Variants in NOX4 observed in about 807,000 individuals in gnomAD.
NOX4 encodes kidney oxidase-1.
A neutral mutation model predicts 87.6 loss-of-function variants in NOX4; 69 were observed. The ratio of observed to expected loss-of-function variants is 0.79; its 90% CI spans 0.65 to 0.96. The LOEUF (loss-of-function observed/expected upper bound fraction) is 0.96, where lower values mean the gene tolerates loss of function less well. NOX4 is among the 40% of genes least tolerant of loss of function. The pLI, the probability that NOX4 is intolerant of heterozygous loss-of-function variation, is 0.00. For missense variants in NOX4, 680 were observed against 681.5 expected, an observed-to-expected ratio of 1.00 and a Z score of 0.02; for synonymous variants, 275 against 238.2, an observed-to-expected ratio of 1.15 and a Z score of -1.42.
chr11:89,375,122 C>A (rs1057004357), intron 11 of NOX4, among the ~76,000 whole-genome samples: 2 of 152,074 alleles, frequency 1.3e-5, no homozygotes, highest in Non-Finnish European at 2.9e-5. Flanking sequence ...ATTAATGTAC[C>A]ATGGAATGTC....
At chr11:89,435,200 C>A (rs1325573119) in intron 6 of NOX4, among the ~76,000 whole-genome samples, 1 of 151,860 alleles carries the variant, frequency 6.6e-6, no homozygotes, top group African/African-American at 2.4e-5. Context: ...AAAAAGAAAA[C>A]CTTTATTTGT....
intron 17 of NOX4, among the ~76,000 whole-genome samples, chr11:89,328,300 C>T (rs1425822883): frequency 1.3e-5 from 2 of 152,128 alleles, no homozygotes; most frequent in South Asian, 4.1e-4. Flanking sequence ...AGAGTTTACA[C>T]AGGACTGCAA....
chr11:89,486,758 G>C (rs182892271), intron 2 of NOX4, among the ~76,000 whole-genome samples: 2 of 150,044 alleles, frequency 1.3e-5, no homozygotes, highest in Non-Finnish European at 3.0e-5. Flanking sequence ...TAAAGATGGG[G>C]TCTCACTTTG....
intron 2 of NOX4, among the ~76,000 whole-genome samples, chr11:89,469,277 C>T (rs912805491): frequency 6.6e-6 from 1 of 151,718 alleles, no homozygotes; most frequent in African/African-American, 2.4e-5. Flanking sequence ...GTTGAAAAAG[C>T]CAGAGAGGTT....
intron 8 of NOX4, among the ~76,000 whole-genome samples, chr11:89,407,876 T>C (rs1942272285): frequency 6.6e-6 from 1 of 152,070 alleles, no homozygotes; most frequent in African/African-American, 2.4e-5. Context: ...CACAAATGAG[T>C]GTCACTTATG....
the NOX4 span, among the ~76,000 whole-genome samples, chr11:89,560,837 T>C: frequency 6.6e-6 from 1 of 150,898 alleles, no homozygotes; most frequent in South Asian, 2.1e-4. Flanking sequence ...AGTTACACCA[T>C]TTGTTTACCT....
chr11:89,449,589 A>G (rs1422598918), intron 3 of NOX4, 65 bp from the exon 4 acceptor site: 1 of 1,275,790 alleles, frequency 7.8e-7, no homozygotes, highest in Non-Finnish European at 1.1e-6. Context: ...TTTTCAGTAT[A>G]GCATTGTTCA....
At chr11:89,485,762 G>A (rs1249480670) in intron 2 of NOX4, among the ~76,000 whole-genome samples, 1 of 152,174 alleles carries the variant, frequency 6.6e-6, no homozygotes, top group East Asian at 1.9e-4. Flanking sequence ...CCATGGGGGA[G>A]TGGAGCAGGC....
chr11:89,373,679 A>C (rs1939627484), intron 11 of NOX4, among the ~76,000 whole-genome samples, 187 bp from the exon 12 acceptor site: 1 of 152,102 alleles, frequency 6.6e-6, no homozygotes, highest in African/African-American at 2.4e-5. Flanking sequence ...TCAGTAAGAC[A>C]ATCTACATTT....
chr11:89,505,193 C>A, the NOX4 span, among the ~76,000 whole-genome samples: 1 of 151,754 alleles, frequency 6.6e-6, no homozygotes, highest in Non-Finnish European at 1.5e-5. Flanking sequence ...TAACTTTTTC[C>A]TTTATAGCAC....
the NOX4 span, among the ~76,000 whole-genome samples, chr11:89,579,233 T>C: frequency 6.6e-6 from 1 of 152,180 alleles, no homozygotes; most frequent in African/African-American, 2.4e-5. Flanking sequence ...GATGAATACA[T>C]GCCATTATTC....
rs1170703115 is a variant in NOX4 at position 89,481,180 on chromosome 11, T to C, written c.153+9278A>G. Among the ~76,000 whole-genome samples the C allele has an allele frequency of 3.9e-5, 6 of 152,068 alleles. No individual in the cohort carries two copies. In the South Asian group the frequency reaches 6.2e-4, roughly 16 times the overall value. Reference sequence around the variant, plus strand: ...AATCTCTGTCCTAGGTGTCATCTCATATGCTCAGCATCTGTATGCTCAGCA... The same window carrying C: ...AATCTCTGTCCTAGGTGTCATCTCACATGCTCAGCATCTGTATGCTCAGCA... On this transcript the variant is annotated intron_variant, in intron 2 of 17. Transcript: ENST00000263317.
At chr11:89,359,583 A>G (rs1320191651) in intron 12 of NOX4, among the ~76,000 whole-genome samples, 1 of 152,096 alleles carries the variant, frequency 6.6e-6, no homozygotes, top group Non-Finnish European at 1.5e-5. Context: ...CTATTCTTGT[A>G]TAACCTAAAG....
chr11:89,451,820 G>C lies in NOX4; in HGVS notation c.229C>G (p.Arg77Gly). The C allele has an allele frequency of 6.2e-7, 1 of 1,613,082 alleles. No individual in the cohort carries two copies. Among genetic ancestry groups the C allele is most frequent in the East Asian group, 2.2e-5 (1 of 44,838 alleles). The change falls in exon 3 of 18, where the codon CGA (arginine) becomes GGA (glycine). Residue 77 changes from arginine (R) to glycine (G), a missense_variant. Physicochemically the swap from Arg to Gly is moderately radical, Grantham distance 125. Transcript: ENST00000263317. Reference protein sequence around the residue: ...NCSLILLPMCRTLLAYLRGSQ... With the variant: ...NCSLILLPMCGTLLAYLRGSQ... Reference sequence around the variant, plus strand: ...CCTCGGAGGTAAGCCAAGAGTGTTCGGCACATGGGTAAAAGGATAAGGCTG... The same window carrying C: ...CCTCGGAGGTAAGCCAAGAGTGTTCCGCACATGGGTAAAAGGATAAGGCTG...
At chr11:89,335,776 T>C in intron 17 of NOX4, 69 bp downstream of exon 17, 1 of 699,016 alleles carries the variant, frequency 1.4e-6, no homozygotes. Flanking sequence ...TCAAACTTCA[T>C]GTAATTATTT....
At chr11:89,338,935 C>G (rs1350546056) in intron 15 of NOX4, among the ~76,000 whole-genome samples, 1 of 152,200 alleles carries the variant, frequency 6.6e-6, no homozygotes, top group Admixed American at 6.6e-5. Context: ...GAACCTGATG[C>G]TGGATGTATT....
intron 7 of NOX4, among the ~76,000 whole-genome samples, chr11:89,432,325 T>C (rs1434120776): frequency 6.6e-6 from 1 of 151,954 alleles, no homozygotes; most frequent in Non-Finnish European, 1.5e-5. Flanking sequence ...ATTATGCACA[T>C]GTACCCTAGA....
the NOX4 span, among the ~76,000 whole-genome samples, chr11:89,534,710 T>C: frequency 6.6e-6 from 1 of 152,184 alleles, no homozygotes; most frequent in African/African-American, 2.4e-5. Context: ...CTCTATCAGA[T>C]GTCCTTACCC....
rs1455571508 is a variant in NOX4 at position 89,427,942 on chromosome 11, G to A, written c.548+4842C>T. On this transcript the variant is annotated intron_variant, in intron 7 of 17. Transcript: ENST00000263317. ...TCAGATTCACCAAAGTTGAAATAAA[G>A]GAAAAAATGTTAAGGGCAGCCAGAG... 2.0e-5 allele frequency among the ~76,000 whole-genome samples: 3 copies of A among 152,116 alleles called. 1 individual carries two copies. The highest frequency in any genetic ancestry group is 4.1e-4 in the South Asian group (2 of 4,824).
Sources: allele counts gnomAD v4.1 joint callset (sites outside exome capture counted in the v4.1 genomes callset), GRCh38; gene constraint gnomAD v4.1.1; transcripts MANE v1.5; gene names NCBI Gene and HGNC (gene_info 2026-07-23, HGNC 2026-07-21).